The following MOB1B variants were observed in gnomAD, a reference collection of about 807,000 sequenced individuals.
MOB1B encodes MOB kinase activator 1B.
In MOB1B, 19 loss-of-function variants were observed where a neutral mutation model predicts 24.4. That is an observed-to-expected ratio of 0.78 (90% CI 0.54 to 1.14). The LOEUF (loss-of-function observed/expected upper bound fraction) is 1.14, where lower values mean the gene tolerates loss of function less well. Among genes scored for constraint, MOB1B ranks in the 50% most tolerant of loss-of-function variants. The pLI is 0.00. For synonymous variants in MOB1B, 76 were observed against 82.1 expected (o/e 0.93, Z 0.40); for missense variants, 243 against 259.6 (o/e 0.94, Z 0.44).
At chr4:70,930,592 A>G (rs555581744) in intron 1 of MOB1B, among the ~76,000 whole-genome samples, 2 of 152,382 alleles carry the variant, frequency 1.3e-5, no homozygotes, top group African/African-American at 4.8e-5. Context: ...ACAACAACTC[A>G]GAACACTCTA....
chr4:70,949,359 A>C (rs1412341666), intron 1 of MOB1B, among the ~76,000 whole-genome samples: 1 of 152,224 alleles, frequency 6.6e-6, no homozygotes, highest in Non-Finnish European at 1.5e-5. Flanking sequence ...TCTTGAAACA[A>C]GGTTATCTTT....
chr4:70,927,997 G>A (rs1422316121), intron 1 of MOB1B, among the ~76,000 whole-genome samples: 1 of 152,022 alleles, frequency 6.6e-6, no homozygotes, highest in Non-Finnish European at 1.5e-5. Context: ...TGTAAATGCC[G>A]TTCCTGTTAT....
Position 70,947,966 on chromosome 4 carries a change from G to A in MOB1B, c.15-10908G>A, listed in dbSNP as rs571337018. ...AATTTATCAGTATTTTCTTTCATAA[G>A]ATGCTTTTTTATATCTAGAAACTCA... On this transcript the variant is annotated intron_variant, in intron 1 of 5. Coordinates refer to ENST00000309395, the MANE Select transcript of MOB1B (RefSeq NM_173468.4). Among the ~76,000 whole-genome samples, 5 of 152,234 alleles carry A rather than the reference G, an allele frequency of 3.3e-5. No homozygotes were observed. The East Asian group carries it at 9.6e-4, about 29-fold the overall frequency.
chr4:70,909,457 T>G (rs1735890450), intron 1 of MOB1B, among the ~76,000 whole-genome samples: 1 of 152,096 alleles, frequency 6.6e-6, no homozygotes, highest in South Asian at 2.1e-4. Context: ...GAGCTATGCT[T>G]GTGCCAGTAC....
At chr4:70,930,781 T>A (rs879791945) in intron 1 of MOB1B, among the ~76,000 whole-genome samples, 1 of 152,148 alleles carries the variant, frequency 6.6e-6, no homozygotes, top group Non-Finnish European at 1.5e-5. Context: ...ATTTTTTTCT[T>A]TTTTTCCCTC....
intron 1 of MOB1B, among the ~76,000 whole-genome samples, chr4:70,956,755 T>A (rs559800495): frequency 6.6e-6 from 1 of 152,248 alleles, no homozygotes. Context: ...CCTTTTGCTG[T>A]TGAGTAGAGA....
Position 70,958,940 on chromosome 4 carries a change from G to A in MOB1B, c.81G>A (p.Glu27=). ...KNIPEGSHQY[E]LLKHAEATLG... ...TTCCAGAGGGTTCTCACCAGTATGAGCTCTTAAAACACGCAGAAGCCACAC... is the reference window on the plus strand; with the variant it reads ...TTCCAGAGGGTTCTCACCAGTATGAACTCTTAAAACACGCAGAAGCCACAC... The change falls in exon 2 of 6, where the codon GAG becomes GAA. Residue 27 remains glutamate (E), a synonymous_variant. Coordinates refer to ENST00000309395, the MANE Select transcript of MOB1B (RefSeq NM_173468.4). The A allele has an allele frequency of 1.2e-6, 2 of 1,613,982 alleles. No homozygotes were observed. Among genetic ancestry groups the A allele is most frequent in the Non-Finnish European group, 1.7e-6 (2 of 1,179,992 alleles).
intron 2 of MOB1B, among the ~76,000 whole-genome samples, chr4:70,969,164 T>C (rs989097927): frequency 7.9e-5 from 12 of 152,282 alleles, no homozygotes; most frequent in African/African-American, 2.9e-4. Flanking sequence ...TTGAGACATA[T>C]TCCGTCACGC....
Position 70,979,111 on chromosome 4 carries a change from G to A in MOB1B, c.410-17G>A, listed in dbSNP as rs1333769988. On this transcript the variant is annotated splice_polypyrimidine_tract_variant and intron_variant, in intron 4 of 5. Transcript: ENST00000309395. The stretch of plus-strand genomic sequence containing the variant: ...TCATCTCTTGTTACTAGAGGGAGTT[G>A]TTTATCTCTTTTCTAGGTGTCCCGT... The A allele has an allele frequency of 6.2e-7, 1 of 1,607,090 alleles. No individual in the cohort carries two copies.
chr4:70,914,392 T>C (rs1409614516), intron 1 of MOB1B, among the ~76,000 whole-genome samples: 1 of 152,194 alleles, frequency 6.6e-6, no homozygotes, highest in Admixed American at 6.5e-5. Flanking sequence ...CCTTACTTCC[T>C]GGCACAACAA....
At chr4:70,951,624 A>G (rs1402931698) in intron 1 of MOB1B, among the ~76,000 whole-genome samples, 1 of 152,232 alleles carries the variant, frequency 6.6e-6, no homozygotes, top group Non-Finnish European at 1.5e-5. Context: ...GTGGCTGAGC[A>G]TGGTGGCTCA....
Position 70,985,712 on chromosome 4 carries a change from G to T in MOB1B, c.*3655G>T, listed in dbSNP as rs1382675782. 1 of 151,994 alleles carries T rather than the reference G, an allele frequency of 6.6e-6. No individual in the cohort carries two copies. Among genetic ancestry groups the T allele is most frequent in the African/African-American group, 2.4e-5 (1 of 41,352 alleles). The allele number at this position is 151,994 out of a possible 1,614,324, so 9.4% of individuals were successfully genotyped here. On this transcript the variant is annotated 3_prime_UTR_variant, in exon 6 of 6. Coordinates refer to ENST00000309395, the MANE Select transcript of MOB1B (RefSeq NM_173468.4). Reference sequence around the variant, plus strand: ...TTTTCATATTTTTAGTAGAGATGGGGTTTCAACATATTGGCCAGGCTGGTC... The same window carrying T: ...TTTTCATATTTTTAGTAGAGATGGGTTTTCAACATATTGGCCAGGCTGGTC...
chr4:70,962,609 A>AG (rs1738349191), intron 2 of MOB1B, among the ~76,000 whole-genome samples: 1 of 152,116 alleles, frequency 6.6e-6, no homozygotes, highest in Non-Finnish European at 1.5e-5. Context: ...AAAAAACAGG[A>AG]GAAAAATCTG....
chr4:70,921,879 G>A lies in MOB1B; in HGVS notation c.14+19329G>A, dbSNP rs187967893. ...GCTTTGAATATGAAAGTGTTAATTA[G>A]CCTTATGTCTTCAATTCTCTATCGG... On this transcript the variant is annotated intron_variant, in intron 1 of 5. Transcript: ENST00000309395. Among the ~76,000 whole-genome samples, 22 of 152,164 alleles carry A rather than the reference G, an allele frequency of 1.4e-4. No individual in the cohort carries two copies. The East Asian group carries it at 3.7e-3, about 25-fold the overall frequency.
intron 1 of MOB1B, among the ~76,000 whole-genome samples, chr4:70,952,652 A>C (rs1422505968): frequency 7.9e-5 from 12 of 151,436 alleles, no homozygotes; most frequent in African/African-American, 2.4e-4. Flanking sequence ...CAAAAAAAAA[A>C]AAAAAAACAA....
Position 70,958,959 on chromosome 4 carries a change from G to A in MOB1B, c.100G>A (p.Ala34Thr). ...HQYELLKHAE[A>T]TLGSGNLRMA... is the part of the protein sequence containing the mutation. The stretch of plus-strand genomic sequence containing the variant: ...GTATGAGCTCTTAAAACACGCAGAA[G>A]CCACACTTGGCAGTGGCAACCTTCG... The change falls in exon 2 of 6, where the codon GCC (alanine) becomes ACC (threonine). Residue 34 changes from alanine to threonine, a missense_variant. Transcript: ENST00000309395. The A allele has an allele frequency of 3.7e-6, 6 of 1,614,018 alleles. No individual in the cohort carries two copies. Among genetic ancestry groups the A allele is most frequent in the East Asian group, 2.2e-5 (1 of 44,874 alleles).
intron 1 of MOB1B, among the ~76,000 whole-genome samples, chr4:70,951,796 T>C (rs1182225942): frequency 6.6e-6 from 1 of 152,140 alleles, no homozygotes; most frequent in African/African-American, 2.4e-5. Flanking sequence ...GAGGCTGAGG[T>C]GGGAGGATCA....
In MOB1B at chr4:70,985,052, T is replaced by C. The variant is rs1412019498; in HGVS notation, c.*2995T>C. ...TCAGACTGAGTTACTGCCTGTCTTA[T>C]CAGGATGGATAAAACACTACAGTCT... On this transcript the variant is annotated 3_prime_UTR_variant, in exon 6 of 6. Transcript: ENST00000309395. The C allele has an allele frequency of 1.3e-5, 2 of 152,194 alleles. No individual in the cohort carries two copies. Among genetic ancestry groups the C allele is most frequent in the African/African-American group, 2.4e-5 (1 of 41,434 alleles). 9.4% of individuals were successfully genotyped at this position (152,194 alleles called of 1,614,324 possible).
chr4:70,957,693 T>A (rs1383354195), intron 1 of MOB1B, among the ~76,000 whole-genome samples: 3 of 151,618 alleles, frequency 2.0e-5, no homozygotes, highest in Non-Finnish European at 4.4e-5. Flanking sequence ...TCCTCCTGCC[T>A]CTGGCCTCCC....
Sources: gnomAD v4.1 joint callset for allele counts (sites outside exome capture counted in the v4.1 genomes callset) on GRCh38, gnomAD v4.1.1 for gene constraint, MANE v1.5 for transcripts, NCBI Gene and HGNC (gene_info 2026-07-23, HGNC 2026-07-21) for gene names.